Variants in POR observed in about 807,000 individuals in gnomAD.
POR encodes the protein cytochrome p450 oxidoreductase.
POR carries 56 observed loss-of-function variants against 84.0 expected under a neutral mutation model. The observed-to-expected ratio is 0.67, with a 90% CI of 0.54 to 0.83. The LOEUF (loss-of-function observed/expected upper bound fraction) is 0.83, where lower values mean the gene tolerates loss of function less well. Ranked by LOEUF, POR falls within the 40% of genes least tolerant of loss-of-function variation. POR has a pLI of 0.00. For missense variants in POR, 938 were observed against 944.3 expected (o/e 0.99, Z 0.09); for synonymous variants, 414 against 400.5 (o/e 1.03, Z -0.40).
In POR at chr7:75,986,544, C is replaced by T. The variant is rs72557961; in HGVS notation, c.*63C>T. The stretch of plus-strand genomic sequence containing the variant: ...TGTAATCAGCTCTCCTGGCTCCCTC[C>T]CGTAGTCTCCTGGGTGTGTTTGGCT... On this transcript the variant is annotated 3_prime_UTR_variant, in exon 16 of 16. Transcript: ENST00000461988. 6.2e-4 allele frequency: 968 copies of T among 1,556,488 alleles called. 3 individuals are homozygous for T. In the African/African-American group the frequency reaches 0.011, roughly 18 times the overall value.
chr7:75,968,919 G>A (rs1788312702), intron 2 of POR, among the ~76,000 whole-genome samples: 1 of 152,248 alleles, frequency 6.6e-6, no homozygotes, highest in Admixed American at 6.5e-5. Flanking sequence ...CTTCTGGGAT[G>A]GGAGCCGAGC....
At chr7:75,943,810 C>T (rs1554551829) in intron 1 of POR, 2 of 498,954 alleles carry the variant, frequency 4.0e-6, no homozygotes, top group Admixed American at 4.3e-5. Flanking sequence ...TTGGTGGCTT[C>T]CCTGTAAATG....
chr7:75,980,900 T>G lies in POR; in HGVS notation c.517-148T>G, dbSNP rs1480373376. 2.4e-5 allele frequency: 27 copies of G among 1,125,674 alleles called. No individual in the cohort carries two copies. In the Admixed American group the frequency reaches 7.4e-4, roughly 31 times the overall value. 69.7% of individuals were successfully genotyped at this position (1,125,674 alleles called of 1,614,324 possible). ...GCCTCTTCAGTGGCCCAGTGTTCCT[T>G]GCAGTGCGAGGCGCCTGGTGGAACG... On this transcript the variant is annotated intron_variant, in intron 5 of 15. Coordinates refer to ENST00000461988, the MANE Select transcript of POR (RefSeq NM_000941.3).
intron 1 of POR, among the ~76,000 whole-genome samples, chr7:75,940,106 C>T (rs901195357): frequency 4.0e-5 from 6 of 151,234 alleles, no homozygotes; most frequent in African/African-American, 7.3e-5. Context: ...TTTATTGAGA[C>T]GGAGTCTCAC....
chr7:75,983,661 T>C, intron 9 of POR, 25 bp downstream of exon 9: 2 of 1,608,856 alleles, frequency 1.2e-6, no homozygotes, highest in Non-Finnish European at 8.5e-7. Context: ...TGTCACCCCC[T>C]GAACCCTCAC....
intron 2 of POR, among the ~76,000 whole-genome samples, chr7:75,970,400 A>T (rs1554555970): frequency 6.6e-6 from 1 of 151,324 alleles, no homozygotes; most frequent in African/African-American, 2.4e-5. Flanking sequence ...GTGATCGCAC[A>T]GTGGTGAGAT....
At chr7:75,932,466 A>G (rs2116282715) in intron 1 of POR, among the ~76,000 whole-genome samples, 1 of 152,268 alleles carries the variant, frequency 6.6e-6, no homozygotes, top group South Asian at 2.1e-4. Context: ...ACAGGCATGT[A>G]CCACTGCGCC....
chr7:75,947,115 CA>C (rs1243628335), intron 1 of POR: 12 of 152,156 alleles, frequency 7.9e-5, no homozygotes, highest in African/African-American at 2.9e-4. Context: ...GCTGGGTTTG[CA>C]GTGGTTGTTC....
intron 1 of POR, among the ~76,000 whole-genome samples, chr7:75,933,137 T>C (rs528051794): frequency 2.4e-4 from 37 of 152,250 alleles, no homozygotes; most frequent in African/African-American, 8.7e-4. Flanking sequence ...TTTTAAAATA[T>C]AGCACATTTT....
rs1428675654 is a variant in POR, at chr7:75,986,416, C to G, written c.1978C>G (p.Gln660Glu). 2.5e-6 allele frequency: 4 copies of G among 1,612,442 alleles called. No homozygotes were observed. The African/African-American group carries it at 5.3e-5, about 22-fold the overall frequency. ...TGAGCTCGGGGCCATGGAGCACGCG[C>G]AGGCGGTGGACTACATCAAGAAACT... Residue 660 changes from glutamine to glutamate, a missense_variant, in exon 16 of 16, where the codon CAG becomes GAG. Physicochemically the swap from Gln to Glu is conservative, Grantham distance 29. Transcript: ENST00000461988.
chr7:75,962,640 G>C (rs1177229405), intron 2 of POR, among the ~76,000 whole-genome samples: 22 of 152,148 alleles, frequency 1.4e-4, no homozygotes, highest in Admixed American at 1.2e-3. Flanking sequence ...ACCAGTTCAT[G>C]AGTCTTGACA....
chr7:75,953,733 C>T (rs1304757719), intron 1 of POR, among the ~76,000 whole-genome samples: 1 of 152,180 alleles, frequency 6.6e-6, no homozygotes, highest in African/African-American at 2.4e-5. Context: ...GTCCCAGCTG[C>T]TGCCTTAGCT....
At chr7:75,949,137 T>TTTGTTGTTGTTGTTGTTG (rs147245532) in intron 1 of POR, among the ~76,000 whole-genome samples, 1 of 151,136 alleles carries the variant, frequency 6.6e-6, no homozygotes, top group Non-Finnish European at 1.5e-5. Flanking sequence ...ACTTCAGGGC[T>TTTGTTGTTGTTGTTGTTG]TTGTTGTTGT....
At chr7:75,974,152 G>A (rs1788566520) in intron 3 of POR, among the ~76,000 whole-genome samples, 1 of 152,126 alleles carries the variant, frequency 6.6e-6, no homozygotes, top group Non-Finnish European at 1.5e-5. Context: ...CACTGGGGCT[G>A]TTGCTACTCT....
At chr7:75,954,325 T>C (rs1428505529) in intron 2 of POR, 145 bp downstream of exon 2, 3 of 825,616 alleles carry the variant, frequency 3.6e-6, no homozygotes, top group Middle Eastern at 2.9e-4. Flanking sequence ...TCTTGCTAGA[T>C]TGTGCTTGAG....
intron 2 of POR, among the ~76,000 whole-genome samples, chr7:75,956,847 T>C (rs1787708821): frequency 6.6e-6 from 1 of 152,068 alleles, no homozygotes; most frequent in Non-Finnish European, 1.5e-5. Context: ...TGCCTCAGTC[T>C]CCCGAGTGCC....
At chr7:75,956,729 G>GT (rs200737243) in intron 2 of POR, among the ~76,000 whole-genome samples, 21,043 of 146,626 alleles carry the variant, frequency 0.14, 1,715 homozygotes, top group South Asian at 0.21. Context: ...TTGCAACATA[G>GT]TTTTTTTTTT....
chr7:75,986,514 C>A lies in POR; in HGVS notation c.*33C>A. 1 of 1,597,258 alleles carries A rather than the reference C, an allele frequency of 6.3e-7. No homozygotes were observed. The highest frequency in any genetic ancestry group is 8.5e-7 in the Non-Finnish European group (1 of 1,176,734). ...CCTGCCCCACCCACCCCACAGACTCCGGCCTGTAATCAGCTCTCCTGGCTC... is the reference window on the plus strand; with the variant it reads ...CCTGCCCCACCCACCCCACAGACTCAGGCCTGTAATCAGCTCTCCTGGCTC... On this transcript the variant is annotated 3_prime_UTR_variant, in exon 16 of 16. Coordinates refer to ENST00000461988, the MANE Select transcript of POR (RefSeq NM_000941.3).
chr7:75,973,424 C>T (rs1199865102), intron 3 of POR, among the ~76,000 whole-genome samples: 1 of 151,808 alleles, frequency 6.6e-6, no homozygotes, highest in East Asian at 2.0e-4. Flanking sequence ...AGCCATCCTC[C>T]TACCACAGCC....
Sources: allele counts gnomAD v4.1 joint callset (sites outside exome capture counted in the v4.1 genomes callset), GRCh38; gene constraint gnomAD v4.1.1; transcripts MANE v1.5; gene names NCBI Gene and HGNC (gene_info 2026-07-23, HGNC 2026-07-21).